The following CNTNAP3 variants were observed in gnomAD, a reference collection of about 807,000 sequenced individuals.
CNTNAP3 encodes the protein contactin associated protein family member 3.
A neutral mutation model predicts 92.1 loss-of-function variants in CNTNAP3; 36 were observed. That is an observed-to-expected ratio of 0.39 (90% confidence interval 0.30 to 0.52). CNTNAP3 has a LOEUF of 0.52. Among genes scored for constraint, CNTNAP3 ranks in the 20% least tolerant of loss-of-function variants. The probability of loss-of-function intolerance (pLI) is 0.76; values close to 1 mark genes in which losing one functional copy is unlikely to be tolerated. For synonymous variants in CNTNAP3, 232 were observed against 422.3 expected, an observed-to-expected ratio of 0.55 and a Z score of 5.53; for missense variants, 534 against 1,069.6, an observed-to-expected ratio of 0.50 and a Z score of 6.98.
At chr9:39,123,587 T>TCTCAG (rs1821088644) in intron 13 of CNTNAP3, among the ~76,000 whole-genome samples, 2 of 152,052 alleles carry the variant, frequency 1.3e-5, no homozygotes, top group Non-Finnish European at 2.9e-5. Context: ...TACAAAAAAA[T>TCTCAG]CCACACCTAG....
intron 11 of CNTNAP3, among the ~76,000 whole-genome samples, chr9:39,142,229 C>A (rs1821593345): frequency 6.6e-6 from 1 of 152,108 alleles, no homozygotes; most frequent in Admixed American, 6.6e-5. Context: ...TGCCAGGTAA[C>A]ACACAAGATT....
At chr9:39,085,935 A>G (rs1237751828) in intron 20 of CNTNAP3, 112 bp from the exon 21 acceptor site, 4 of 1,055,402 alleles carry the variant, frequency 3.8e-6, no homozygotes, top group Non-Finnish European at 4.3e-6. Context: ...TTTAAGTACC[A>G]TTACAAAAGC....
At chr9:39,083,484 C>T (rs1358003332) in intron 21 of CNTNAP3, among the ~76,000 whole-genome samples, 1 of 151,976 alleles carries the variant, frequency 6.6e-6, no homozygotes, top group African/African-American at 2.4e-5. Context: ...CATGATGAAA[C>T]CCCGTCTCTA....
At chr9:39,140,368 A>G (rs1214167872) in intron 12 of CNTNAP3, 151 bp downstream of exon 12, 3 of 1,301,316 alleles carry the variant, frequency 2.3e-6, no homozygotes, top group Non-Finnish European at 3.1e-6. Flanking sequence ...ATACAAGAAA[A>G]TTTTGTTGAC....
At chr9:39,081,671 G>T (rs1203902928) in intron 21 of CNTNAP3, among the ~76,000 whole-genome samples, 1 of 151,732 alleles carries the variant, frequency 6.6e-6, no homozygotes, top group Non-Finnish European at 1.5e-5. Context: ...ATAGACAGAT[G>T]TCTATCCTTA....
At chr9:39,132,006 T>C (rs1181870979) in intron 13 of CNTNAP3, among the ~76,000 whole-genome samples, 1 of 152,052 alleles carries the variant, frequency 6.6e-6, no homozygotes, top group Non-Finnish European at 1.5e-5. Context: ...AGTGGCTTTA[T>C]TATGCTACCG....
intron 3 of CNTNAP3, among the ~76,000 whole-genome samples, chr9:39,215,893 C>CA (rs530020863): frequency 0.41 from 11,290 of 27,304 alleles, 5,557 homozygotes; most frequent in Non-Finnish European, 0.99. Flanking sequence ...AAGTCGCAGA[C>CA]AGAGTGGGCT....
At chr9:39,112,577 G>A (rs971868931) in intron 14 of CNTNAP3, among the ~76,000 whole-genome samples, 2 of 152,056 alleles carry the variant, frequency 1.3e-5, no homozygotes, top group Non-Finnish European at 2.9e-5. Context: ...TGTTGGTCAG[G>A]CTGGTCTCGA....
intron 13 of CNTNAP3, among the ~76,000 whole-genome samples, chr9:39,120,773 A>T (rs1821000367): frequency 1.3e-5 from 2 of 152,228 alleles, no homozygotes; most frequent in African/African-American, 4.8e-5. Flanking sequence ...AGGTTTTTCA[A>T]AAAGAAAGGA....
chr9:39,132,799 G>A (rs951250964), intron 13 of CNTNAP3, 133 bp downstream of exon 13: 37 of 1,059,598 alleles, frequency 3.5e-5, no homozygotes, highest in Middle Eastern at 3.2e-4. Context: ...GGAAGAGAAG[G>A]AGAGAGTGGT....
chr9:39,108,081 T>C (rs1052456430), intron 15 of CNTNAP3, among the ~76,000 whole-genome samples: 1 of 152,104 alleles, frequency 6.6e-6, no homozygotes, highest in Non-Finnish European at 1.5e-5. Flanking sequence ...AGAACTTTAC[T>C]GCTCACAGCA....
chr9:39,120,499 G>A (rs1480464730), intron 13 of CNTNAP3, among the ~76,000 whole-genome samples: 4 of 152,094 alleles, frequency 2.6e-5, no homozygotes, highest in Non-Finnish European at 2.9e-5. Context: ...GTGAAACCCC[G>A]TCTCTACTAA....
chr9:39,147,453 C>T (rs1403048018), intron 10 of CNTNAP3, among the ~76,000 whole-genome samples: 5 of 152,110 alleles, frequency 3.3e-5, no homozygotes, highest in Non-Finnish European at 7.4e-5. Context: ...AATTTTATTG[C>T]TTTATAAAAT....
chr9:39,124,824 G>A (rs1323605222), intron 13 of CNTNAP3, among the ~76,000 whole-genome samples: 2 of 152,188 alleles, frequency 1.3e-5, no homozygotes, highest in Admixed American at 6.5e-5. Flanking sequence ...TTTCACACCA[G>A]TTAGAATGAT....
At position 39,084,318 on chromosome 9, in the gene CNTNAP3, G is replaced by A. The variant is rs1258113826; in HGVS notation, c.3442+1418C>T. ...CGCCATTCTCCTGCCTCAGCCTCCC[G>A]AGTAGCTGGGACTACAGGCGCCCGC... On this transcript the variant is annotated intron_variant, in intron 21 of 23. Coordinates refer to ENST00000297668, the MANE Select transcript of CNTNAP3 (RefSeq NM_033655.5). Among the ~76,000 whole-genome samples, 16 of 146,718 alleles carry A rather than the reference G, an allele frequency of 1.1e-4. No individual in the cohort carries two copies. The South Asian group carries it at 2.7e-3, about 25-fold the overall frequency.
At chr9:39,133,983 T>C (rs1427999822) in intron 12 of CNTNAP3, among the ~76,000 whole-genome samples, 1 of 152,142 alleles carries the variant, frequency 6.6e-6, no homozygotes, top group Admixed American at 6.5e-5. Flanking sequence ...GAAGAAACAT[T>C]CGTATGGGGA....
At chr9:39,140,803 T>A (rs59212915) in intron 11 of CNTNAP3, among the ~76,000 whole-genome samples, 165 bp from the exon 12 acceptor site, 8,573 of 152,302 alleles carry the variant, frequency 0.056, 264 homozygotes, top group African/African-American at 0.074. Flanking sequence ...AAATGACATT[T>A]AAAAAATTAA....
intron 9 of CNTNAP3, among the ~76,000 whole-genome samples, chr9:39,162,828 G>C (rs1394365910): frequency 6.8e-6 from 1 of 147,330 alleles, no homozygotes; most frequent in East Asian, 2.0e-4. Context: ...GTGGAGGGTA[G>C]GAGGAGGGTG....
intron 12 of CNTNAP3, among the ~76,000 whole-genome samples, chr9:39,139,507 G>A (rs1015697860): frequency 1.3e-5 from 2 of 152,216 alleles, no homozygotes; most frequent in Admixed American, 6.5e-5. Flanking sequence ...AAATGCCCAT[G>A]TAATTTCAGT....
Sources: allele counts gnomAD v4.1 joint callset (sites outside exome capture counted in the v4.1 genomes callset), GRCh38; gene constraint gnomAD v4.1.1; transcripts MANE v1.5; gene names NCBI Gene and HGNC (gene_info 2026-07-23, HGNC 2026-07-21).